FAM227B: variants seen among roughly 807,000 people sequenced by gnomAD.
The protein encoded by FAM227B is protein FAM227B.
A neutral mutation model predicts 73.8 loss-of-function variants in FAM227B; 88 were observed. The ratio of observed to expected loss-of-function variants is 1.19; its 90% CI spans 1.00 to 1.42. FAM227B has a LOEUF of 1.42. Among genes scored for constraint, FAM227B ranks in the 40% most tolerant of loss-of-function variants. The pLI is 0.00. For missense variants in FAM227B, 632 were observed against 590.9 expected (o/e 1.07, Z -0.72); for synonymous variants, 210 against 190.5 (o/e 1.10, Z -0.84).
In FAM227B at chr15:49,423,944, C is replaced by T. The variant is rs184827603; in HGVS notation, c.1013-52545G>A. ...GAATAACCTATACTGTATTCTAATGCTACTACTTACCCACTAAAATTTACA... is the reference window on the plus strand; with the variant it reads ...GAATAACCTATACTGTATTCTAATGTTACTACTTACCCACTAAAATTTACA... On this transcript the variant is annotated intron_variant, in intron 11 of 15. Transcript: ENST00000299338. The T allele has an allele frequency of 3.6e-4, 74 of 206,110 alleles. No individual in the cohort carries two copies. In the East Asian group the frequency reaches 7.7e-3, roughly 21 times the overall value. The allele number at this position is 206,110 out of a possible 1,614,324, so 12.8% of individuals were successfully genotyped here.
chr15:49,605,500 C>G (rs1440077738), intron 3 of FAM227B, among the ~76,000 whole-genome samples: 1 of 152,172 alleles, frequency 6.6e-6, no homozygotes, highest in Non-Finnish European at 1.5e-5. Flanking sequence ...GCCAACCTGA[C>G]ACTGAAGTGG....
chr15:49,446,099 T>A (rs72727294), intron 11 of FAM227B, among the ~76,000 whole-genome samples: 7,750 of 151,610 alleles, frequency 0.051, 268 homozygotes, highest in East Asian at 0.072. Flanking sequence ...CACTACCTTT[T>A]AAGTAAAGAT....
At chr15:49,609,896 T>C (rs2077774457) in intron 3 of FAM227B, among the ~76,000 whole-genome samples, 1 of 151,958 alleles carries the variant, frequency 6.6e-6, no homozygotes, top group Non-Finnish European at 1.5e-5. Flanking sequence ...GGATATGTTG[T>C]TTTATCAAAT....
chr15:49,561,751 T>C (rs1235630546), intron 9 of FAM227B, among the ~76,000 whole-genome samples: 4 of 152,122 alleles, frequency 2.6e-5, no homozygotes, highest in East Asian at 1.9e-4. Context: ...AAATAGTTTT[T>C]TGGTAAACAA....
intron 10 of FAM227B, among the ~76,000 whole-genome samples, chr15:49,509,568 A>G (rs1237360445): frequency 1.5e-5 from 2 of 137,472 alleles, no homozygotes; most frequent in African/African-American, 2.7e-5. Flanking sequence ...CACTTAATAT[A>G]AGTTACTTTC....
At chr15:49,601,141 C>T (rs2077181330) in intron 3 of FAM227B, among the ~76,000 whole-genome samples, 1 of 148,094 alleles carries the variant, frequency 6.8e-6, no homozygotes, top group Non-Finnish European at 1.5e-5. Context: ...TTTGCCATCA[C>T]TTTTAATGGC....
At chr15:49,558,067 C>T (rs1209067102) in intron 9 of FAM227B, among the ~76,000 whole-genome samples, 3 of 152,124 alleles carry the variant, frequency 2.0e-5, no homozygotes, top group Non-Finnish European at 2.9e-5. Flanking sequence ...TATGTGACCT[C>T]CTATCCCCAC....
At chr15:49,380,985 G>A (rs1003100046) in intron 11 of FAM227B, among the ~76,000 whole-genome samples, 5 of 152,158 alleles carry the variant, frequency 3.3e-5, no homozygotes, top group Non-Finnish European at 5.9e-5. Flanking sequence ...TCTGGTGCAC[G>A]CCTCAGGGAG....
intron 11 of FAM227B, among the ~76,000 whole-genome samples, chr15:49,433,706 G>C (rs1452084799): frequency 2.0e-5 from 3 of 151,564 alleles, no homozygotes; most frequent in African/African-American, 7.3e-5. Context: ...AGTTACCACT[G>C]GTGACACTGG....
intron 11 of FAM227B, among the ~76,000 whole-genome samples, chr15:49,446,935 T>C (rs2052275803): frequency 6.6e-6 from 1 of 151,248 alleles, no homozygotes; most frequent in Admixed American, 6.6e-5. Flanking sequence ...TCAGGAGAGA[T>C]AAAAGGCAGA....
At chr15:49,514,120 C>A (rs1415849922) in intron 10 of FAM227B, among the ~76,000 whole-genome samples, 3 of 152,002 alleles carry the variant, frequency 2.0e-5, no homozygotes, top group South Asian at 2.1e-4. Context: ...GTAGTTTTTG[C>A]TAATTCTGTG....
In FAM227B at chr15:49,577,620, T is replaced by C. The variant is rs2075539168; in HGVS notation, c.441+9A>G. 1 of 1,538,452 alleles carries C rather than the reference T, an allele frequency of 6.5e-7. No homozygotes were observed. The highest frequency in any genetic ancestry group is 8.9e-7 in the Non-Finnish European group (1 of 1,127,056). On this transcript the variant is annotated intron_variant, in intron 6 of 15. Coordinates refer to ENST00000299338, the MANE Select transcript of FAM227B (RefSeq NM_152647.3). ...ATATACAATCTGGCAGAACAGAAATTTTAAGTACCTCTATATTCTTCTCTG... is the reference window on the plus strand; with the variant it reads ...ATATACAATCTGGCAGAACAGAAATCTTAAGTACCTCTATATTCTTCTCTG...
At chr15:49,455,649 AT>A (rs762267798) in intron 11 of FAM227B, among the ~76,000 whole-genome samples, 7 of 152,178 alleles carry the variant, frequency 4.6e-5, no homozygotes, top group Non-Finnish European at 1.0e-4. Context: ...AATGTCCTAT[AT>A]TTCTAAACAG....
At chr15:49,422,535 T>C (rs2049776084) in intron 11 of FAM227B, 19 of 1,333,324 alleles carry the variant, frequency 1.4e-5, no homozygotes, top group South Asian at 2.2e-5. Flanking sequence ...GTTCCTTATA[T>C]TAGTAGTGAG....
At chr15:49,574,617 G>T (rs1424506265) in intron 8 of FAM227B, 2 of 153,228 alleles carry the variant, frequency 1.3e-5, no homozygotes, top group African/African-American at 4.8e-5. Context: ...AAATTGCTCA[G>T]TCTTAGGTGG....
chr15:49,476,939 A>T (rs1372544785), intron 11 of FAM227B, among the ~76,000 whole-genome samples: 4 of 152,078 alleles, frequency 2.6e-5, no homozygotes, highest in Non-Finnish European at 5.9e-5. Flanking sequence ...GGGTGCCTGT[A>T]GTCCCAGCTA....
intron 10 of FAM227B, among the ~76,000 whole-genome samples, chr15:49,511,087 T>G (rs2058963853): frequency 6.6e-6 from 1 of 152,066 alleles, no homozygotes; most frequent in Non-Finnish European, 1.5e-5. Flanking sequence ...GAAACTCAAG[T>G]TTTTCAAGCA....
At position 49,589,983 on chromosome 15, in the gene FAM227B, A is replaced by T; in HGVS notation, c.130T>A (p.Phe44Ile). The change falls in exon 4 of 16, where the codon TTT becomes ATT. Residue 44 changes from phenylalanine (F) to isoleucine (I), a missense_variant. Phe to Ile is a conservative substitution (Grantham distance 21). Transcript: ENST00000299338. ...NWDYWPREIHFRDDDKWSCTL... is the reference protein window; with the variant it reads ...NWDYWPREIHIRDDDKWSCTL... ...CATGACCATTTATCATCATCTCTAAAATGGATTTCCCTTGGCCAATAATCC... is the reference window on the plus strand; with the variant it reads ...CATGACCATTTATCATCATCTCTAATATGGATTTCCCTTGGCCAATAATCC... 6.2e-7 allele frequency: 1 copy of T among 1,602,652 alleles called. No individual in the cohort carries two copies.
chr15:49,418,618 GAAC>G (rs1371877905), intron 11 of FAM227B, among the ~76,000 whole-genome samples: 1 of 152,028 alleles, frequency 6.6e-6, no homozygotes, highest in Non-Finnish European at 1.5e-5. Context: ...CACAAACAGA[GAAC>G]AACAGATACT....
Sources: allele counts gnomAD v4.1 joint callset (sites outside exome capture counted in the v4.1 genomes callset), GRCh38; gene constraint gnomAD v4.1.1; transcripts MANE v1.5; gene names NCBI Gene and HGNC (gene_info 2026-07-23, HGNC 2026-07-21).